PER3: variants seen among roughly 807,000 people sequenced by gnomAD.
The protein encoded by PER3 is period circadian regulator 3.
A neutral mutation model predicts 127.2 loss-of-function variants in PER3; 107 were observed. The observed-to-expected ratio is 0.84, with a 90% CI of 0.72 to 0.99. The LOEUF (loss-of-function observed/expected upper bound fraction) is 0.99. PER3 is among the 50% of genes least tolerant of loss of function. The pLI is 0.00. For synonymous variants in PER3, 618 were observed against 585.8 expected (o/e 1.05, Z -0.79); for missense variants, 1,560 against 1,525.8 (o/e 1.02, Z -0.37).
chr1:7,788,257 C>T lies in PER3; in HGVS notation c.592+11C>T. 1 of 1,578,464 alleles carries T rather than the reference C, an allele frequency of 6.3e-7. No individual in the cohort carries two copies. The highest frequency in any genetic ancestry group is 8.7e-7 in the Non-Finnish European group (1 of 1,147,480). On this transcript the variant is annotated intron_variant, in intron 5 of 21. Coordinates refer to ENST00000377532, the MANE Select transcript of PER3 (RefSeq NM_001377275.1). Reference sequence around the variant, plus strand: ...ACTGGACCCAAAGAGGTAACAGGACCAATGTTCAGATGTCTATCTTTCCTC... The same window carrying T: ...ACTGGACCCAAAGAGGTAACAGGACTAATGTTCAGATGTCTATCTTTCCTC...
chr1:7,818,422 A>G (rs1391399220), intron 13 of PER3, among the ~76,000 whole-genome samples: 1 of 152,240 alleles, frequency 6.6e-6, no homozygotes, highest in African/African-American at 2.4e-5. Context: ...GCTAAAAATG[A>G]CCAGCATCTA....
At chr1:7,809,179 G>T (rs1168241958) in intron 11 of PER3, among the ~76,000 whole-genome samples, 181 bp downstream of exon 11, 1 of 152,008 alleles carries the variant, frequency 6.6e-6, no homozygotes. Context: ...TCCTTATTCT[G>T]TGTTACACAG....
Position 7,837,016 on chromosome 1 carries a change from T to G in PER3, c.3416T>G (p.Leu1139Arg), listed in dbSNP as rs1224833207. The G allele has an allele frequency of 6.2e-7, 1 of 1,613,376 alleles. No individual in the cohort carries two copies. The highest frequency in any genetic ancestry group is 8.5e-7 in the Non-Finnish European group (1 of 1,179,754). ...GTTTTCAGGGTTAAAGAAGTTGTAC[T>G]AAAAGAAGACCTGGAAAAGCTAGAA... ...QVPERVKEVV[L>R]KEDLEKLESM... The change falls in exon 21 of 22, where the codon CTA becomes CGA. Residue 1139 changes from leucine to arginine, a missense_variant. Physicochemically the swap from Leu to Arg is moderately radical, Grantham distance 102. Transcript: ENST00000377532.
At chr1:7,834,845 G>C (rs1471233621) in intron 19 of PER3, among the ~76,000 whole-genome samples, 1 of 151,990 alleles carries the variant, frequency 6.6e-6, no homozygotes, top group African/African-American at 2.4e-5. Flanking sequence ...AAATAGTTTT[G>C]TTTTGTGTTT....
chr1:7,785,046 T>G (rs1034335961), intron 2 of PER3, 41 bp downstream of exon 2: 3 of 1,556,106 alleles, frequency 1.9e-6, no homozygotes, highest in Non-Finnish European at 2.6e-6. Context: ...ATGCGTTCGT[T>G]GTCCTTCCCT....
Position 7,820,526 on chromosome 1 carries a change from G to A in PER3, c.1843G>A (p.Asp615Asn). ...SEMPTNGRSI[D>N]TGGGAPQILS... The stretch of plus-strand genomic sequence containing the variant: ...AATGCCAACAAATGGACGGTCCATA[G>A]ACACAGGAGGAGGAGCTCCACAGAT... The change falls in exon 16 of 22, where the codon GAC (aspartate) becomes AAC (asparagine). Residue 615 changes from aspartate (D) to asparagine (N), a missense_variant. Asp to Asn is a conservative substitution (Grantham distance 23). Transcript: ENST00000377532. 6.2e-7 allele frequency: 1 copy of A among 1,614,086 alleles called. No homozygotes were observed. The highest frequency in any genetic ancestry group is 8.5e-7 in the Non-Finnish European group (1 of 1,179,986).
intron 13 of PER3, among the ~76,000 whole-genome samples, chr1:7,815,174 G>T (rs1225409992): frequency 6.6e-6 from 1 of 152,044 alleles, no homozygotes; most frequent in Non-Finnish European, 1.5e-5. Context: ...CTAGTGGCTG[G>T]CATATTTTAA....
At chr1:7,823,380 C>T (rs1013431885) in intron 16 of PER3, among the ~76,000 whole-genome samples, 2 of 152,168 alleles carry the variant, frequency 1.3e-5, no homozygotes. Context: ...TGGTGGTTCA[C>T]GCCTGTAATC....
Position 7,809,928 on chromosome 1 carries a change from C to G in PER3, c.1278C>G (p.Ser426Arg). The G allele has an allele frequency of 6.2e-7, 1 of 1,614,104 alleles. No homozygotes were observed. Among genetic ancestry groups the G allele is most frequent in the East Asian group, 2.2e-5 (1 of 44,884 alleles). ...TGAGCGTGTCCAGCGGCTACGGGAG[C>G]CTGGGGAGCAGCGGGTCGCAGGAGC... is the stretch of plus-strand genomic sequence containing the variant. The part of the protein sequence containing the change: ...VHVSVSSGYG[S>R]LGSSGSQEQL... The change falls in exon 12 of 22, where the codon AGC becomes AGG. Residue 426 changes from serine to arginine, a missense_variant. Physicochemically the swap from Ser to Arg is moderately radical, Grantham distance 110 (BLOSUM62 -1). This residue lies in a region of PER3 where 1,332 missense variants were observed against 1,223.6 expected (regional missense o/e 1.09). Coordinates refer to ENST00000377532, the MANE Select transcript of PER3 (RefSeq NM_001377275.1).
chr1:7,834,041 A>AC lies in PER3; in HGVS notation c.3215-1719dup, dbSNP rs562790258. 1.5e-3 allele frequency among the ~76,000 whole-genome samples: 234 copies of AC among 151,740 alleles called. 2 individuals carry two copies. Among genetic ancestry groups the AC allele is most frequent in the African/African-American group, 5.1e-3 (213 of 41,362 alleles). ...AGGTTCAAGCAATTCTCCTGCCTCT[A>AC]CCTCCCAAGTAGCTGGTACTACAGG... On this transcript the variant is annotated intron_variant, in intron 19 of 21. Transcript: ENST00000377532.
At chr1:7,785,356 T>C in intron 2 of PER3, 85 bp from the exon 3 acceptor site, 1 of 1,082,894 alleles carries the variant, frequency 9.2e-7, no homozygotes, top group Non-Finnish European at 1.4e-6. Flanking sequence ...CTTAGAAACT[T>C]ACCTGGCTTG....
chr1:7,810,503 T>G lies in PER3; in HGVS notation c.1437T>G (p.Ile479Met), dbSNP rs143456316. ...AAAATCTGGGTCAGCAGCTCTACAT[T>G]GAGTCAATGACCAAATCATCATTCA... Reference protein sequence around the residue: ...KIKNLGQQLYIESMTKSSFKP... With the variant: ...KIKNLGQQLYMESMTKSSFKP... The change falls in exon 13 of 22, where the codon ATT becomes ATG. Residue 479 changes from isoleucine to methionine, a missense_variant. Physicochemically the swap from Ile to Met is conservative, Grantham distance 10. Around this residue, in one of 3 missense-constraint regions of PER3, gnomAD observed 1,332 missense variants for 1,223.6 expected, o/e 1.09. Coordinates refer to ENST00000377532, the MANE Select transcript of PER3 (RefSeq NM_001377275.1). 2 of 1,613,490 alleles carry G rather than the reference T, an allele frequency of 1.2e-6. No homozygotes were observed. The highest frequency in any genetic ancestry group is 1.7e-6 in the Non-Finnish European group (2 of 1,179,578).
intron 18 of PER3, among the ~76,000 whole-genome samples, chr1:7,828,962 G>C (rs2097315707): frequency 1.3e-5 from 2 of 152,182 alleles, no homozygotes; most frequent in African/African-American, 4.8e-5. Context: ...CTTGTGGGGT[G>C]CCTGGCATGT....
chr1:7,809,054 C>A, intron 11 of PER3, 56 bp downstream of exon 11: 1 of 846,606 alleles, frequency 1.2e-6, no homozygotes, highest in South Asian at 1.5e-5. Flanking sequence ...TGTTTTAATG[C>A]TCAGTAAATT....
rs770356226 is a variant in PER3 at position 7,827,361 on chromosome 1, C to T, written c.2432C>T (p.Pro811Leu). 77 of 1,614,018 alleles carry T rather than the reference C, an allele frequency of 4.8e-5. No individual in the cohort carries two copies. Among genetic ancestry groups the T allele is most frequent in the Middle Eastern group, 1.6e-4 (1 of 6,084 alleles). Reference protein sequence around the residue: ...SQAPYLVPAFPLPAATSPGRE... With the variant: ...SQAPYLVPAFLLPAATSPGRE... Reference sequence around the variant, plus strand: ...GCCCCTTACCTCGTCCCAGCTTTTCCCCTCCCAGCCGCGACCTCACCCGGA... The same window carrying T: ...GCCCCTTACCTCGTCCCAGCTTTTCTCCTCCCAGCCGCGACCTCACCCGGA... Residue 811 changes from proline (P) to leucine (L), a missense_variant, in exon 18 of 22, where the codon CCC becomes CTC. Pro to Leu is a moderately conservative substitution (Grantham distance 98). Transcript: ENST00000377532.
rs779311943 is a variant in PER3, at chr1:7,820,231, C to T, written c.1775C>T (p.Ala592Val). The change falls in exon 15 of 22, where the codon GCC becomes GTC. Residue 592 changes from alanine to valine, a missense_variant. Ala to Val is a moderately conservative substitution (Grantham distance 64). This residue lies in a region of PER3 where 1,332 missense variants were observed against 1,223.6 expected (regional missense o/e 1.09). Transcript: ENST00000377532. ...AACCACAAGGCAGATGATGTCCAAG[C>T]CTTACAAGGTAACAAGAATGCCCCT... Reference protein sequence around the residue: ...KQNHKADDVQALQAGLQIPAI... With the variant: ...KQNHKADDVQVLQAGLQIPAI... The T allele has an allele frequency of 6.2e-7, 1 of 1,612,094 alleles. No homozygotes were observed. Among genetic ancestry groups the T allele is most frequent in the South Asian group, 1.1e-5 (1 of 90,486 alleles).
intron 13 of PER3, among the ~76,000 whole-genome samples, chr1:7,814,786 A>C (rs1464281921): frequency 1.3e-5 from 2 of 152,230 alleles, no homozygotes; most frequent in African/African-American, 4.8e-5. Flanking sequence ...ACAATACTAC[A>C]GAGGGTGGGA....
At chr1:7,811,848 C>A (rs957489968) in intron 13 of PER3, among the ~76,000 whole-genome samples, 2 of 152,120 alleles carry the variant, frequency 1.3e-5, no homozygotes, top group Non-Finnish European at 2.9e-5. Context: ...CCTGTTCTTT[C>A]ATTTTTTTTC....
chr1:7,827,174 C>A lies in PER3; in HGVS notation c.2245C>A (p.Arg749=). ...CGGCTGCAGGAAAGGGAAGCACAAG[C>A]GGAAGAAGCTGCCGGAGCCGCCAGA... The part of the protein sequence containing the change: ...SAGCRKGKHK[R]KKLPEPPDSS... The change falls in exon 18 of 22, where the codon CGG becomes AGG. Residue 749 remains arginine, a synonymous_variant. Transcript: ENST00000377532. The A allele has an allele frequency of 6.2e-7, 1 of 1,612,142 alleles. No homozygotes were observed. The highest frequency in any genetic ancestry group is 8.5e-7 in the Non-Finnish European group (1 of 1,179,334).
Sources: gnomAD v4.1 joint callset for allele counts (sites outside exome capture counted in the v4.1 genomes callset) on GRCh38, gnomAD v4.1.1 for gene constraint, gnomAD v4.1.1 regional missense constraint, MANE v1.5 for transcripts, NCBI Gene and HGNC (gene_info 2026-07-23, HGNC 2026-07-21) for gene names.